The following LRRTM4 variants were observed in gnomAD, a reference collection of about 807,000 sequenced individuals.
LRRTM4 encodes leucine rich repeat transmembrane neuronal 4.
A neutral mutation model predicts 47.6 loss-of-function variants in LRRTM4; 25 were observed. The ratio of observed to expected loss-of-function variants is 0.53; its 90% CI spans 0.38 to 0.73. The LOEUF (loss-of-function observed/expected upper bound fraction) is 0.73. LRRTM4 is among the 30% of genes least tolerant of loss of function. The pLI, the probability that LRRTM4 is intolerant of heterozygous loss-of-function variation, is 0.00. For missense variants in LRRTM4, 638 were observed against 713.4 expected (o/e 0.89, Z 1.20); for synonymous variants, 311 against 269.5 (o/e 1.15, Z -1.51).
At position 77,012,142 on chromosome 2, in the gene LRRTM4, T is replaced by C. The variant is rs553910541; in HGVS notation, c.1552-263226A>G. Among the ~76,000 whole-genome samples the C allele has an allele frequency of 5.3e-5, 8 of 152,110 alleles. No homozygotes were observed. The East Asian group carries it at 1.4e-3, about 26-fold the overall frequency. ...CATACAGGGAATGAATTCTGAAAAA[T>C]GTAGTTTAATTTTAATTAAATTGAG... On this transcript the variant is annotated intron_variant, in intron 3 of 3. Coordinates refer to ENST00000409884, the MANE Select transcript of LRRTM4 (RefSeq NM_001134745.3).
intron 3 of LRRTM4, among the ~76,000 whole-genome samples, chr2:77,369,106 C>A (rs564951309): frequency 3.3e-5 from 5 of 151,718 alleles, no homozygotes; most frequent in Non-Finnish European, 7.4e-5. Context: ...TGTTGACCAC[C>A]TTTTTATGTA....
At chr2:76,887,431 A>C (rs1320628473) in intron 3 of LRRTM4, among the ~76,000 whole-genome samples, 1 of 151,306 alleles carries the variant, frequency 6.6e-6, no homozygotes. Context: ...GACAAACAGC[A>C]CCACCAATCA....
At chr2:77,217,445 ATAT>A (rs1674486170) in intron 3 of LRRTM4, among the ~76,000 whole-genome samples, 8 of 116,938 alleles carry the variant, frequency 6.8e-5, no homozygotes, top group African/African-American at 2.8e-4. Flanking sequence ...AATGAAATAT[ATAT>A]ATATATATAT....
At chr2:77,093,019 C>G (rs1670697509) in intron 3 of LRRTM4, among the ~76,000 whole-genome samples, 1 of 146,484 alleles carries the variant, frequency 6.8e-6, no homozygotes, top group Admixed American at 6.7e-5. Context: ...CATTTAAGCT[C>G]CTTTATAGAC....
At chr2:77,230,040 T>C (rs1371180482) in intron 3 of LRRTM4, among the ~76,000 whole-genome samples, 1 of 152,174 alleles carries the variant, frequency 6.6e-6, no homozygotes, top group East Asian at 1.9e-4. Context: ...TGTGTTATTC[T>C]TGTAATTCCT....
At chr2:76,968,427 T>G (rs1412812421) in intron 3 of LRRTM4, among the ~76,000 whole-genome samples, 2 of 145,730 alleles carry the variant, frequency 1.4e-5, no homozygotes, top group Admixed American at 1.4e-4. Flanking sequence ...TCCCATTAAT[T>G]TTCTTTTGCA....
At chr2:77,444,708 A>C (rs1675981359) in intron 3 of LRRTM4, among the ~76,000 whole-genome samples, 1 of 152,064 alleles carries the variant, frequency 6.6e-6, no homozygotes, top group African/African-American at 2.4e-5. Flanking sequence ...TAAACTCAAA[A>C]CAGGAGTGTT....
At chr2:76,793,540 G>T (rs576259046) in intron 3 of LRRTM4, among the ~76,000 whole-genome samples, 3 of 151,850 alleles carry the variant, frequency 2.0e-5, no homozygotes, top group African/African-American at 4.8e-5. Flanking sequence ...GAGCTACATT[G>T]TATTTTTATA....
intron 3 of LRRTM4, among the ~76,000 whole-genome samples, chr2:77,493,239 T>C (rs540166309): frequency 4.7e-4 from 72 of 152,148 alleles, no homozygotes; most frequent in African/African-American, 1.7e-3. Flanking sequence ...CTTAGTAATA[T>C]AAATGACATA....
At chr2:77,368,305 T>C (rs927389656) in intron 3 of LRRTM4, among the ~76,000 whole-genome samples, 2 of 151,780 alleles carry the variant, frequency 1.3e-5, no homozygotes, top group Admixed American at 1.3e-4. Context: ...GCAGAGGAAC[T>C]GGATTCAAGG....
chr2:77,490,624 TA>T lies in LRRTM4; in HGVS notation c.1551+27693del, dbSNP rs70956637. ...TCTTACCATAAAGTATCAAAAATAA[TA>T]AAAAAAAACAGCAGTCTAAGTAGGG... On this transcript the variant is annotated intron_variant, in intron 3 of 3. Coordinates refer to ENST00000409884, the MANE Select transcript of LRRTM4 (RefSeq NM_001134745.3). Among the ~76,000 whole-genome samples, 798 of 150,660 alleles carry T rather than the reference TA, an allele frequency of 5.3e-3. 11 individuals are homozygous for T. Among genetic ancestry groups the T allele is most frequent in the South Asian group, 0.02 (94 of 4,768 alleles).
intron 3 of LRRTM4, among the ~76,000 whole-genome samples, chr2:76,933,277 G>C (rs906856055): frequency 1.3e-5 from 2 of 151,918 alleles, no homozygotes; most frequent in African/African-American, 2.4e-5. Context: ...AAACAATAAA[G>C]TTATATGTTA....
intron 3 of LRRTM4, among the ~76,000 whole-genome samples, chr2:77,096,583 G>A (rs983137977): frequency 6.6e-6 from 1 of 151,524 alleles, no homozygotes; most frequent in African/African-American, 2.4e-5. Flanking sequence ...GTCTGATTAT[G>A]ACATGATATA....
At chr2:77,076,907 A>G (rs1255648019) in intron 3 of LRRTM4, among the ~76,000 whole-genome samples, 1 of 152,026 alleles carries the variant, frequency 6.6e-6, no homozygotes, top group African/African-American at 2.4e-5. Flanking sequence ...TCCCTTTGTT[A>G]AGAAGCATCC....
intron 3 of LRRTM4, among the ~76,000 whole-genome samples, chr2:77,371,040 C>T (rs543863373): frequency 1.3e-5 from 2 of 151,544 alleles, no homozygotes; most frequent in South Asian, 2.1e-4. Flanking sequence ...AAATGTATGT[C>T]GAACTCAACT....
chr2:76,785,310 A>G (rs1373871698), intron 3 of LRRTM4, among the ~76,000 whole-genome samples: 1 of 152,128 alleles, frequency 6.6e-6, no homozygotes, highest in East Asian at 1.9e-4. Flanking sequence ...AGCCCATGAA[A>G]CAAGATCTGA....
At position 76,946,090 on chromosome 2, in the gene LRRTM4, T is replaced by A. The variant is rs139360960; in HGVS notation, c.1552-197174A>T. The stretch of plus-strand genomic sequence containing the variant: ...GCACATTATATCTTGTCTCTGTGGA[T>A]AATAATGCCTTAAAAGTCAGTATTT... On this transcript the variant is annotated intron_variant, in intron 3 of 3. Transcript: ENST00000409884. Among the ~76,000 whole-genome samples the A allele has an allele frequency of 2.9e-3, 440 of 152,114 alleles. 3 individuals carry two copies. Among genetic ancestry groups the A allele is most frequent in the African/African-American group, 9.8e-3 (409 of 41,562 alleles).
chr2:76,752,250 G>A (rs1034492533), intron 3 of LRRTM4, among the ~76,000 whole-genome samples: 1 of 152,134 alleles, frequency 6.6e-6, no homozygotes, highest in Non-Finnish European at 1.5e-5. Context: ...AATTTGCAAT[G>A]TTTACTTAAA....
intron 3 of LRRTM4, among the ~76,000 whole-genome samples, chr2:77,222,565 A>G (rs1264629398): frequency 6.6e-6 from 1 of 152,228 alleles, no homozygotes; most frequent in African/African-American, 2.4e-5. Context: ...ATCATCAGAG[A>G]ATACTCTAAA....
Sources: gnomAD v4.1 joint callset for allele counts (sites outside exome capture counted in the v4.1 genomes callset) on GRCh38, gnomAD v4.1.1 for gene constraint, MANE v1.5 for transcripts, NCBI Gene and HGNC (gene_info 2026-07-23, HGNC 2026-07-21) for gene names.